Variants in PPFIA2 observed in about 807,000 individuals in gnomAD.
PPFIA2 encodes the protein liprin-alpha-2.
Under a neutral mutation model 175.5 loss-of-function variants are expected in PPFIA2, and 46 were observed. That is an observed-to-expected ratio of 0.26 (90% CI 0.21 to 0.34). The LOEUF (loss-of-function observed/expected upper bound fraction) is 0.34, where lower values mean the gene tolerates loss of function less well. Among genes scored for constraint, PPFIA2 ranks in the 10% least tolerant of loss-of-function variants. The pLI is 1.00. For missense variants in PPFIA2, 1,179 were observed against 1,506.1 expected (o/e 0.78, Z 3.60); for synonymous variants, 568 against 511.4 (o/e 1.11, Z -1.49).
chr12:81,357,078 T>A (rs1256353971), intron 16 of PPFIA2, among the ~76,000 whole-genome samples: 1 of 152,188 alleles, frequency 6.6e-6, no homozygotes, highest in Non-Finnish European at 1.5e-5. Context: ...TCATATAAAA[T>A]GATTTCTATG....
intron 3 of PPFIA2, among the ~76,000 whole-genome samples, chr12:81,731,721 T>C (rs139004636): frequency 4.7e-4 from 71 of 151,760 alleles, no homozygotes; most frequent in Non-Finnish European, 8.7e-4. Context: ...CCATATACTA[T>C]CTTTGCAAAC....
chr12:81,619,516 C>G (rs1281494941), intron 4 of PPFIA2, among the ~76,000 whole-genome samples: 1 of 152,140 alleles, frequency 6.6e-6, no homozygotes, highest in Non-Finnish European at 1.5e-5. Context: ...GTAAAAAAAT[C>G]TGTTACTTCC....
intron 3 of PPFIA2, among the ~76,000 whole-genome samples, chr12:81,696,830 A>G (rs2075948935): frequency 6.6e-6 from 1 of 152,026 alleles, no homozygotes; most frequent in Admixed American, 6.6e-5. Flanking sequence ...AATGCAATCC[A>G]ATTAGTCTTG....
chr12:81,363,250 G>A (rs1324537787), intron 14 of PPFIA2, among the ~76,000 whole-genome samples: 1 of 151,062 alleles, frequency 6.6e-6, no homozygotes, highest in Non-Finnish European at 1.5e-5. Flanking sequence ...CATGAGATAG[G>A]CAACAATTGG....
intron 3 of PPFIA2, among the ~76,000 whole-genome samples, chr12:81,729,321 A>C (rs1323318020): frequency 6.6e-6 from 1 of 151,536 alleles, no homozygotes. Flanking sequence ...ATGATAAAAC[A>C]TTCAAGAAAT....
At chr12:81,598,640 T>C (rs2059497434) in intron 4 of PPFIA2, among the ~76,000 whole-genome samples, 1 of 111,400 alleles carries the variant, frequency 9.0e-6, no homozygotes, top group East Asian at 2.5e-4. Flanking sequence ...TTACAAAGCC[T>C]TTTTTTTTTT....
intron 8 of PPFIA2, among the ~76,000 whole-genome samples, chr12:81,397,577 G>C (rs2041361949): frequency 6.6e-6 from 1 of 151,982 alleles, no homozygotes; most frequent in Non-Finnish European, 1.5e-5. Flanking sequence ...TGCTATGGTG[G>C]GGCAAAACCT....
intron 4 of PPFIA2, among the ~76,000 whole-genome samples, chr12:81,587,050 T>C (rs574344789): frequency 6.6e-6 from 1 of 151,930 alleles, no homozygotes; most frequent in South Asian, 2.1e-4. Flanking sequence ...AAAGTAAAAA[T>C]AGAGAAATAA....
intron 27 of PPFIA2, among the ~76,000 whole-genome samples, chr12:81,277,820 G>A (rs1055015085): frequency 1.3e-5 from 2 of 152,106 alleles, no homozygotes; most frequent in African/African-American, 4.8e-5. Context: ...TTAAGCTGAT[G>A]AGAAAAATAA....
chr12:81,544,467 A>G (rs906251816), intron 4 of PPFIA2, among the ~76,000 whole-genome samples: 2 of 152,170 alleles, frequency 1.3e-5, no homozygotes, highest in Non-Finnish European at 2.9e-5. Flanking sequence ...TGTTCTAGCT[A>G]ATGGGGCAGC....
At chr12:81,419,893 C>A (rs2045949420) in intron 7 of PPFIA2, among the ~76,000 whole-genome samples, 2 of 152,092 alleles carry the variant, frequency 1.3e-5, no homozygotes, top group African/African-American at 4.8e-5. Context: ...CAGACACAGG[C>A]ACCAAGAAGA....
chr12:81,347,792 T>C (rs373085322), intron 17 of PPFIA2, 22 bp from the exon 18 acceptor site: 2 of 1,610,862 alleles, frequency 1.2e-6, no homozygotes, highest in East Asian at 2.2e-5. Context: ...AGTTTAATTA[T>C]GATCCATATA....
intron 8 of PPFIA2, among the ~76,000 whole-genome samples, chr12:81,387,785 C>T (rs892275469): frequency 3.3e-5 from 5 of 152,098 alleles, no homozygotes; most frequent in African/African-American, 1.2e-4. Context: ...ACCCATCTTC[C>T]CTAATCCAGA....
At chr12:81,261,500 C>T (rs2035525851) in intron 32 of PPFIA2, among the ~76,000 whole-genome samples, 1 of 152,100 alleles carries the variant, frequency 6.6e-6, no homozygotes, top group East Asian at 1.9e-4. Flanking sequence ...ATGAAACCAT[C>T]TCTAAATCAT....
chr12:81,445,835 G>T (rs565948674), intron 5 of PPFIA2, 115 bp from the exon 6 acceptor site: 216 of 932,912 alleles, frequency 2.3e-4, no homozygotes, highest in Middle Eastern at 2.0e-3. Context: ...TTAGCTGCAG[G>T]TTACACTGCA....
intron 4 of PPFIA2, among the ~76,000 whole-genome samples, chr12:81,642,853 C>CTGT: frequency 7.3e-6 from 1 of 137,478 alleles, no homozygotes; most frequent in Non-Finnish European, 1.5e-5. Context: ...ACATATATAA[C>CTGT]ATGTATTACA....
At position 81,527,768 on chromosome 12, in the gene PPFIA2, A is replaced by T. The variant is rs1019731480; in HGVS notation, c.304-69902T>A. ...GTGGAGTCTTTGGAAGGTAATTAGA[A>T]TTAGATGATGTCATGAGGGTTTAGT... On this transcript the variant is annotated intron_variant, in intron 4 of 32. Transcript: ENST00000549396. Among the ~76,000 whole-genome samples the T allele has an allele frequency of 3.3e-5, 5 of 152,234 alleles. No individual in the cohort carries two copies. The South Asian group carries it at 1.0e-3, about 32-fold the overall frequency.
chr12:81,411,341 G>A (rs1451246548), intron 7 of PPFIA2, among the ~76,000 whole-genome samples: 1 of 152,158 alleles, frequency 6.6e-6, no homozygotes, highest in East Asian at 1.9e-4. Flanking sequence ...TTTTCTCTCT[G>A]GCTTATTGCT....
intron 4 of PPFIA2, among the ~76,000 whole-genome samples, chr12:81,657,983 T>C (rs1402798670): frequency 1.3e-5 from 2 of 152,128 alleles, no homozygotes; most frequent in Non-Finnish European, 2.9e-5. Context: ...AAAGAAATGA[T>C]TGCTGGCTGG....
Sources: allele counts gnomAD v4.1 joint callset (sites outside exome capture counted in the v4.1 genomes callset), GRCh38; gene constraint gnomAD v4.1.1; transcripts MANE v1.5; gene names NCBI Gene and HGNC (gene_info 2026-07-23, HGNC 2026-07-21).